SNTG1: variants seen among roughly 807,000 people sequenced by gnomAD.
SNTG1 encodes syntrophin gamma 1.
In SNTG1, 39 loss-of-function variants were observed where a neutral mutation model predicts 74.7. The ratio of observed to expected loss-of-function variants is 0.52; its 90% CI spans 0.40 to 0.68. SNTG1 has a LOEUF of 0.68. SNTG1 is among the 30% of genes least tolerant of loss of function. The pLI is 0.00. For synonymous variants in SNTG1, 254 were observed against 217.1 expected (o/e 1.17, Z -1.49); for missense variants, 685 against 609.5 (o/e 1.12, Z -1.30).
intron 1 of SNTG1, among the ~76,000 whole-genome samples, chr8:50,045,475 C>A (rs1050997668): frequency 1.3e-5 from 2 of 152,066 alleles, no homozygotes; most frequent in Non-Finnish European, 1.5e-5. Flanking sequence ...ACAATTTCAC[C>A]CCCATGATCC....
chr8:50,259,058 G>C (rs992177908), intron 2 of SNTG1, among the ~76,000 whole-genome samples: 1 of 152,066 alleles, frequency 6.6e-6, no homozygotes, highest in East Asian at 1.9e-4. Context: ...AGATACAAAG[G>C]GATCACCATA....
chr8:50,652,663 G>C (rs935299990), intron 13 of SNTG1, among the ~76,000 whole-genome samples: 1 of 152,038 alleles, frequency 6.6e-6, no homozygotes, highest in Non-Finnish European at 1.5e-5. Context: ...CGGGGTTGGT[G>C]GTGGGCACCT....
chr8:50,755,655 T>C (rs969786640), intron 18 of SNTG1, among the ~76,000 whole-genome samples: 3 of 151,862 alleles, frequency 2.0e-5, no homozygotes, highest in Admixed American at 2.0e-4. Flanking sequence ...GGTAAAACAG[T>C]GTTTAGTTTT....
chr8:49,970,237 CG>C (rs1313156383), intron 1 of SNTG1, among the ~76,000 whole-genome samples: 1 of 151,992 alleles, frequency 6.6e-6, no homozygotes, highest in African/African-American at 2.4e-5. Context: ...GAGATCATCA[CG>C]AGGAAATTTC....
chr8:50,751,933 A>C, intron 17 of SNTG1, 68 bp from the exon 18 acceptor site: 1 of 901,104 alleles, frequency 1.1e-6, no homozygotes, highest in Non-Finnish European at 1.7e-6. Flanking sequence ...TTTAAAAAAG[A>C]ACTATTTCTT....
chr8:50,350,201 C>T (rs1489456116), intron 2 of SNTG1, among the ~76,000 whole-genome samples: 4 of 152,086 alleles, frequency 2.6e-5, no homozygotes, highest in East Asian at 1.9e-4. Flanking sequence ...CCTCCCTGCC[C>T]CCACCCCGTG....
At chr8:50,466,633 C>T (rs1023844792) in intron 8 of SNTG1, among the ~76,000 whole-genome samples, 1 of 151,912 alleles carries the variant, frequency 6.6e-6, no homozygotes, top group Non-Finnish European at 1.5e-5. Context: ...AGAAAATCAG[C>T]ATCTAAGCAA....
At chr8:50,336,654 G>A (rs909309287) in intron 2 of SNTG1, among the ~76,000 whole-genome samples, 4 of 152,158 alleles carry the variant, frequency 2.6e-5, no homozygotes, top group African/African-American at 9.7e-5. Flanking sequence ...CTTACATATG[G>A]TAAACCCACA....
In SNTG1 at chr8:50,136,940, ACAG is replaced by A. The variant is rs1563644350; in HGVS notation, c.-102-35620_-102-35618del. ...ACACATTTTAACTCTCTGTTGAAAA[ACAG>A]TAGGTTTTCATCAAGCAGAAGAGAG... On this transcript the variant is annotated intron_variant, in intron 1 of 18. Transcript: ENST00000642720. Among the ~76,000 whole-genome samples the A allele has an allele frequency of 2.0e-5, 3 of 151,894 alleles. No individual in the cohort carries two copies. In the East Asian group the frequency reaches 5.8e-4, roughly 30 times the overall value.
intron 18 of SNTG1, among the ~76,000 whole-genome samples, chr8:50,789,050 A>G (rs1279390788): frequency 6.6e-6 from 1 of 151,968 alleles, no homozygotes; most frequent in Non-Finnish European, 1.5e-5. Context: ...ATATATTCCT[A>G]TGCCCCCTTT....
intron 13 of SNTG1, among the ~76,000 whole-genome samples, chr8:50,654,750 T>C (rs1392481005): frequency 6.6e-6 from 1 of 152,204 alleles, no homozygotes; most frequent in Non-Finnish European, 1.5e-5. Flanking sequence ...AATTCCAGGA[T>C]CATCATAAAC....
chr8:50,330,475 C>G (rs984801503), intron 2 of SNTG1, among the ~76,000 whole-genome samples: 1 of 152,208 alleles, frequency 6.6e-6, no homozygotes, highest in Non-Finnish European at 1.5e-5. Context: ...AAGTTTCAAA[C>G]TTTCTCACAT....
At chr8:50,067,591 T>C (rs1054901892) in intron 1 of SNTG1, among the ~76,000 whole-genome samples, 1 of 152,234 alleles carries the variant, frequency 6.6e-6, no homozygotes, top group Non-Finnish European at 1.5e-5. Flanking sequence ...AGTTGCTTTC[T>C]TTTGAATTCT....
intron 17 of SNTG1, among the ~76,000 whole-genome samples, chr8:50,722,875 T>C (rs2095491134): frequency 6.6e-6 from 1 of 152,216 alleles, no homozygotes; most frequent in African/African-American, 2.4e-5. Context: ...ATATTTTTAA[T>C]GAAACACTGT....
chr8:50,275,566 C>A (rs760697609), intron 2 of SNTG1, among the ~76,000 whole-genome samples: 2 of 152,144 alleles, frequency 1.3e-5, no homozygotes, highest in Admixed American at 6.5e-5. Context: ...GTAACTTAAA[C>A]CCCTGTGTAA....
intron 2 of SNTG1, among the ~76,000 whole-genome samples, chr8:50,220,658 T>C (rs2085017872): frequency 6.6e-6 from 1 of 152,138 alleles, no homozygotes; most frequent in South Asian, 2.1e-4. Flanking sequence ...TTAGGGTGTC[T>C]GTGGAGGCAG....
rs146612974 is a variant in SNTG1, at chr8:50,169,318, G to C, written c.-102-3243G>C. Reference sequence around the variant, plus strand: ...AATAGTGTATTTTTAAAACTCACATGTATACTCATATTTCACACTTAAATT... The same window carrying C: ...AATAGTGTATTTTTAAAACTCACATCTATACTCATATTTCACACTTAAATT... On this transcript the variant is annotated intron_variant, in intron 1 of 18. Coordinates refer to ENST00000642720, the MANE Select transcript of SNTG1 (RefSeq NM_018967.5). Among the ~76,000 whole-genome samples the C allele has an allele frequency of 9.0e-3, 1,364 of 152,320 alleles. 24 individuals are homozygous for C. Among genetic ancestry groups the C allele is most frequent in the African/African-American group, 0.032 (1,311 of 41,576 alleles).
chr8:50,728,422 G>C (rs879714535), intron 17 of SNTG1, among the ~76,000 whole-genome samples: 1 of 152,144 alleles, frequency 6.6e-6, no homozygotes, highest in Non-Finnish European at 1.5e-5. Flanking sequence ...GTCCTAAAAT[G>C]TTGAGGCCTG....
intron 9 of SNTG1, among the ~76,000 whole-genome samples, chr8:50,508,167 T>G (rs1358017347): frequency 6.6e-6 from 1 of 152,096 alleles, no homozygotes; most frequent in Non-Finnish European, 1.5e-5. Context: ...GAACAAGCAG[T>G]GTTTGGTTTT....
Sources: gnomAD v4.1 joint callset for allele counts (sites outside exome capture counted in the v4.1 genomes callset) on GRCh38, gnomAD v4.1.1 for gene constraint, MANE v1.5 for transcripts, NCBI Gene and HGNC (gene_info 2026-07-23, HGNC 2026-07-21) for gene names.